Variants in GALNT13 observed in about 807,000 individuals in gnomAD.
The protein encoded by GALNT13 is polypeptide N-acetylgalactosaminyltransferase 13.
GALNT13 carries 28 observed loss-of-function variants against 64.2 expected under a neutral mutation model. The observed-to-expected ratio is 0.44, with a 90% confidence interval of 0.32 to 0.60. GALNT13 has a LOEUF of 0.60. GALNT13 is among the 20% of genes least tolerant of loss of function. The pLI is 0.05. For missense variants in GALNT13, 577 were observed against 669.8 expected (o/e 0.86, Z 1.53); for synonymous variants, 214 against 224.6 (o/e 0.95, Z 0.42).
intron 4 of GALNT13, among the ~76,000 whole-genome samples, chr2:154,159,249 C>T (rs1322511682): frequency 2.0e-5 from 3 of 152,092 alleles, no homozygotes. Flanking sequence ...ATTCTCCTGC[C>T]TCAGCATCCC....
intron 3 of GALNT13, among the ~76,000 whole-genome samples, chr2:154,106,614 T>C (rs1422574214): frequency 6.6e-6 from 1 of 151,860 alleles, no homozygotes; most frequent in East Asian, 1.9e-4. Context: ...TAGATTATTA[T>C]AGATTTATAG....
chr2:153,235,312 G>A, the GALNT13 span, among the ~76,000 whole-genome samples: 1 of 152,180 alleles, frequency 6.6e-6, no homozygotes, highest in Admixed American at 6.6e-5. Context: ...GTAAAAGTAA[G>A]CAAGAGAGTT....
At chr2:153,678,314 G>A in the GALNT13 span, among the ~76,000 whole-genome samples, 2 of 151,964 alleles carry the variant, frequency 1.3e-5, no homozygotes, top group Admixed American at 1.3e-4. Context: ...TAAATAAAAT[G>A]TGGTACATAT....
the GALNT13 span, among the ~76,000 whole-genome samples, chr2:153,428,072 G>T: frequency 6.6e-6 from 1 of 152,164 alleles, no homozygotes; most frequent in East Asian, 1.9e-4. Context: ...AGTCAAGGAT[G>T]ATCAAAAGCA....
At chr2:154,286,996 G>T in intron 8 of GALNT13, 1 of 578,624 alleles carries the variant, frequency 1.7e-6, no homozygotes, top group Non-Finnish European at 3.2e-6. Flanking sequence ...TCACTTTGAT[G>T]CAGGAGAACT....
intron 4 of GALNT13, among the ~76,000 whole-genome samples, chr2:154,205,459 G>T (rs916405216): frequency 1.3e-5 from 2 of 152,150 alleles, no homozygotes; most frequent in South Asian, 4.1e-4. Flanking sequence ...TTGTAAATTA[G>T]CTAGGCAATA....
the GALNT13 span, among the ~76,000 whole-genome samples, chr2:153,734,897 A>C: frequency 1.3e-5 from 2 of 152,078 alleles, no homozygotes; most frequent in African/African-American, 4.8e-5. Context: ...CATTTTGGAG[A>C]GTAACCTCCT....
chr2:153,211,016 A>G, the GALNT13 span, among the ~76,000 whole-genome samples: 3 of 152,318 alleles, frequency 2.0e-5, no homozygotes, highest in East Asian at 5.8e-4. Context: ...AAGACTGGAC[A>G]TAACACATTT....
chr2:153,803,691 C>CAAA, the GALNT13 span, among the ~76,000 whole-genome samples: 2,889 of 104,710 alleles, frequency 0.028, 84 homozygotes, highest in African/African-American at 0.073. Context: ...GACTCTGTCT[C>CAAA]AAAAAAAAAA....
the GALNT13 span, among the ~76,000 whole-genome samples, chr2:153,439,647 C>A: frequency 9.9e-5 from 15 of 152,110 alleles, no homozygotes; most frequent in Admixed American, 4.6e-4. Context: ...CCTGGTGTGC[C>A]GTTTGTTAAG....
chr2:153,082,737 T>C, the GALNT13 span, among the ~76,000 whole-genome samples: 617 of 144,594 alleles, frequency 4.3e-3, 5 homozygotes, highest in African/African-American at 0.015. Flanking sequence ...CTGGTTTATA[T>C]ATATATTATT....
intron 8 of GALNT13, among the ~76,000 whole-genome samples, chr2:154,295,348 T>TTTTATTTATTTA (rs10530260): frequency 0.068 from 9,732 of 142,170 alleles, 432 homozygotes; most frequent in Middle Eastern, 0.13. Context: ...ATTCTTTTTA[T>TTTTATTTATTTA]TTTATTTATT....
At chr2:153,488,806 G>T in the GALNT13 span, among the ~76,000 whole-genome samples, 1 of 152,140 alleles carries the variant, frequency 6.6e-6, no homozygotes, top group Admixed American at 6.6e-5. Flanking sequence ...CAATTAAGAG[G>T]TGAGGCCCTT....
chr2:153,218,552 C>T, the GALNT13 span, among the ~76,000 whole-genome samples: 1 of 152,206 alleles, frequency 6.6e-6, no homozygotes, highest in Admixed American at 6.5e-5. Context: ...TATCTGTGCT[C>T]TTCCCACAGT....
the GALNT13 span, among the ~76,000 whole-genome samples, chr2:153,113,791 C>A: frequency 6.6e-6 from 1 of 152,000 alleles, no homozygotes. Flanking sequence ...GAGTTAGACA[C>A]CTCATTTCTT....
At chr2:153,884,526 A>G (rs1687002882) in intron 1 of GALNT13, among the ~76,000 whole-genome samples, 2 of 151,730 alleles carry the variant, frequency 1.3e-5, no homozygotes, top group South Asian at 2.1e-4. Context: ...ATAATTCCCT[A>G]TAGTACTACA....
At chr2:154,213,840 C>T (rs771244562) in intron 4 of GALNT13, among the ~76,000 whole-genome samples, 2 of 152,098 alleles carry the variant, frequency 1.3e-5, no homozygotes, top group East Asian at 1.9e-4. Context: ...AAAATCAATT[C>T]TCATGTTAGA....
At chr2:153,736,446 C>T in the GALNT13 span, among the ~76,000 whole-genome samples, 1 of 152,110 alleles carries the variant, frequency 6.6e-6, no homozygotes, top group East Asian at 1.9e-4. Context: ...AACATTGGTT[C>T]CTTTTAATAG....
chr2:153,794,393 A>C, the GALNT13 span, among the ~76,000 whole-genome samples: 1 of 152,244 alleles, frequency 6.6e-6, no homozygotes, highest in South Asian at 2.1e-4. Context: ...TATTCAGAAA[A>C]ATGTACAGCA....
Sources: allele counts gnomAD v4.1 joint callset (sites outside exome capture counted in the v4.1 genomes callset), GRCh38; gene constraint gnomAD v4.1.1; transcripts MANE v1.5; gene names NCBI Gene and HGNC (gene_info 2026-07-23, HGNC 2026-07-21).